Variants in KCNIP4 observed in about 807,000 individuals in gnomAD.
The protein encoded by KCNIP4 is Kv channel-interacting protein 4.
A neutral mutation model predicts 34.0 loss-of-function variants in KCNIP4; 12 were observed. That is an observed-to-expected ratio of 0.35 (90% CI 0.23 to 0.57). KCNIP4 has a LOEUF of 0.57. Ranked by LOEUF, KCNIP4 falls within the 20% of genes least tolerant of loss-of-function variation. The pLI is 0.83. For synonymous variants in KCNIP4, 124 were observed against 102.2 expected (o/e 1.21, Z -1.29); for missense variants, 238 against 311.7 (o/e 0.76, Z 1.78).
At chr4:21,484,209 C>T (rs1486793879) in intron 1 of KCNIP4, among the ~76,000 whole-genome samples, 2 of 152,004 alleles carry the variant, frequency 1.3e-5, no homozygotes, top group African/African-American at 4.8e-5. Context: ...GGCAGATCGC[C>T]TGAGGTCAGG....
chr4:21,533,759 T>C (rs1264424919), intron 1 of KCNIP4, among the ~76,000 whole-genome samples: 1 of 152,144 alleles, frequency 6.6e-6, no homozygotes, highest in Non-Finnish European at 1.5e-5. Flanking sequence ...AAATTGAGGC[T>C]AGACGATGTA....
intron 1 of KCNIP4, among the ~76,000 whole-genome samples, chr4:21,635,900 C>T (rs1044266813): frequency 6.6e-6 from 1 of 151,434 alleles, no homozygotes; most frequent in African/African-American, 2.4e-5. Flanking sequence ...AAATGTCCAA[C>T]AATGATAGAC....
intron 1 of KCNIP4, among the ~76,000 whole-genome samples, chr4:21,631,166 TTGAAGGCA>T (rs140474443): frequency 0.032 from 4,856 of 152,292 alleles, 258 homozygotes; most frequent in African/African-American, 0.11. Context: ...CATGAGATTC[TTGAAGGCA>T]TGAACTTTGT....
intron 1 of KCNIP4, among the ~76,000 whole-genome samples, chr4:20,977,723 CCTGT>C (rs1187282294): frequency 6.6e-6 from 1 of 152,266 alleles, no homozygotes; most frequent in South Asian, 2.1e-4. Context: ...CAGGAAACTG[CCTGT>C]CTTTTAAAAA....
intron 1 of KCNIP4, among the ~76,000 whole-genome samples, chr4:21,432,190 T>A (rs1204679905): frequency 7.3e-6 from 1 of 136,896 alleles, no homozygotes; most frequent in Non-Finnish European, 1.5e-5. Flanking sequence ...ACCTAATTGT[T>A]TACTGGAGAA....
intron 1 of KCNIP4, among the ~76,000 whole-genome samples, chr4:21,144,842 A>G (rs529252049): frequency 2.0e-5 from 3 of 152,252 alleles, no homozygotes; most frequent in African/African-American, 7.2e-5. Flanking sequence ...CATCTCTTGT[A>G]GCCTCTTCCT....
rs777117452 is a variant in KCNIP4 at position 21,137,034 on chromosome 4, A to T, written c.62-254325T>A. Among the ~76,000 whole-genome samples, 4 of 151,916 alleles carry T rather than the reference A, an allele frequency of 2.6e-5. No homozygotes were observed. The South Asian group carries it at 6.2e-4, about 24-fold the overall frequency. ...ACTCTGGGTTCCATTCCTTTGATCA[A>T]CCCTACTGAATTCATGAACACATCA... On this transcript the variant is annotated intron_variant, in intron 1 of 8. Coordinates refer to ENST00000382152, the MANE Select transcript of KCNIP4 (RefSeq NM_025221.6).
At chr4:21,092,026 C>T (rs1747043070) in intron 1 of KCNIP4, among the ~76,000 whole-genome samples, 1 of 152,144 alleles carries the variant, frequency 6.6e-6, no homozygotes, top group Non-Finnish European at 1.5e-5. Context: ...TAGTAAATGG[C>T]AGCACCAAAA....
intron 1 of KCNIP4, among the ~76,000 whole-genome samples, chr4:21,726,495 G>GT (rs766165506): frequency 2.0e-5 from 3 of 152,068 alleles, no homozygotes; most frequent in Non-Finnish European, 2.9e-5. Flanking sequence ...TAGAAAAATC[G>GT]TAACAAGACA....
intron 1 of KCNIP4, among the ~76,000 whole-genome samples, chr4:21,253,688 A>T (rs1760872200): frequency 6.6e-6 from 1 of 152,184 alleles, no homozygotes; most frequent in Non-Finnish European, 1.5e-5. Context: ...AGTCCACTGG[A>T]GAGGAGCTAA....
rs575798853 is a variant in KCNIP4, at chr4:21,810,668, C to T, written c.61+137903G>A. 7.1e-5 allele frequency among the ~76,000 whole-genome samples: 9 copies of T among 126,396 alleles called. No individual in the cohort carries two copies. The East Asian group carries it at 1.8e-3, about 25-fold the overall frequency. The allele number at this position is 126,396 out of a possible 152,430, so 82.9% of individuals were successfully genotyped here. A position where few individuals can be genotyped will look rare whatever the true frequency, so the allele number is the denominator to read the frequency against. On this transcript the variant is annotated intron_variant, in intron 1 of 8. Coordinates refer to ENST00000382152, the MANE Select transcript of KCNIP4 (RefSeq NM_025221.6). ...TCGCGCCACTGCACTCCAGCCTGGGCGACAGAGCGAGACTCCGTCTCAAAA... is the reference window on the plus strand; with the variant it reads ...TCGCGCCACTGCACTCCAGCCTGGGTGACAGAGCGAGACTCCGTCTCAAAA...
At chr4:21,074,918 G>T (rs1745334929) in intron 1 of KCNIP4, among the ~76,000 whole-genome samples, 1 of 152,272 alleles carries the variant, frequency 6.6e-6, no homozygotes, top group East Asian at 1.9e-4. Context: ...TCAGGAGCAG[G>T]TTGTTCAGTT....
At chr4:21,146,851 T>A (rs1319870748) in intron 1 of KCNIP4, among the ~76,000 whole-genome samples, 1 of 152,152 alleles carries the variant, frequency 6.6e-6, no homozygotes, top group Non-Finnish European at 1.5e-5. Context: ...CATTTTTTAT[T>A]CTTTTGCTCT....
intron 1 of KCNIP4, among the ~76,000 whole-genome samples, chr4:21,187,623 T>G (rs1755332632): frequency 6.6e-6 from 1 of 152,202 alleles, no homozygotes; most frequent in South Asian, 2.1e-4. Context: ...CAGGAGCACA[T>G]TGCCTGTAGG....
At position 20,728,790 on chromosome 4, in the gene KCNIP4, G is replaced by C. The variant is rs147168210; in HGVS notation, c.*1292C>G. 6.6e-6 allele frequency: 1 copy of C among 152,670 alleles called. No individual in the cohort carries two copies. Among genetic ancestry groups the C allele is most frequent in the Admixed American group, 6.5e-5 (1 of 15,288 alleles). The allele number at this position is 152,670 out of a possible 1,614,324, so 9.5% of individuals were successfully genotyped here. A position where few individuals can be genotyped will look rare whatever the true frequency, so the allele number is the denominator to read the frequency against. On this transcript the variant is annotated 3_prime_UTR_variant, in exon 9 of 9. Coordinates refer to ENST00000382152, the MANE Select transcript of KCNIP4 (RefSeq NM_025221.6). ...TATCTCTACACCAGAATAGATACCT[G>C]ATTTATTGTTGCAAAGACAGTTGCA...
chr4:21,828,037 G>A (rs1722773122), intron 1 of KCNIP4, among the ~76,000 whole-genome samples: 1 of 148,170 alleles, frequency 6.7e-6, no homozygotes, highest in Admixed American at 6.7e-5. Flanking sequence ...AAAACCTGTA[G>A]AAACAAGACC....
At chr4:21,452,377 G>C (rs1728581641) in intron 1 of KCNIP4, among the ~76,000 whole-genome samples, 1 of 151,360 alleles carries the variant, frequency 6.6e-6, no homozygotes, top group African/African-American at 2.4e-5. Flanking sequence ...AGAAATTTCT[G>C]GAAAGGTTTG....
At chr4:21,206,131 G>A (rs991309346) in intron 1 of KCNIP4, among the ~76,000 whole-genome samples, 5 of 152,014 alleles carry the variant, frequency 3.3e-5, no homozygotes, top group South Asian at 2.1e-4. Context: ...GCTTCCTGTC[G>A]CGTCTAGATA....
chr4:21,565,573 A>G (rs1247863394), intron 1 of KCNIP4, among the ~76,000 whole-genome samples: 1 of 152,166 alleles, frequency 6.6e-6, no homozygotes, highest in African/African-American at 2.4e-5. Context: ...TATTTGTGTC[A>G]TACGGCTATT....
Sources: allele counts gnomAD v4.1 joint callset (sites outside exome capture counted in the v4.1 genomes callset), GRCh38; gene constraint gnomAD v4.1.1; transcripts MANE v1.5; gene names NCBI Gene and HGNC (gene_info 2026-07-23, HGNC 2026-07-21).